Variants in CD84 observed in about 807,000 individuals in gnomAD.
The protein encoded by CD84 is CD84 molecule, also known as SLAM family member 5.
Under a neutral mutation model 33.8 loss-of-function variants are expected in CD84, and 22 were observed. The ratio of observed to expected loss-of-function variants is 0.65; its 90% CI spans 0.46 to 0.93. The LOEUF is 0.93. CD84 is among the 40% of genes least tolerant of loss of function. The pLI is 0.00. For missense variants in CD84, 400 were observed against 397.6 expected (o/e 1.01, Z -0.05); for synonymous variants, 154 against 145.2 (o/e 1.06, Z -0.44).
chr1:160,555,156 C>T lies in CD84; in HGVS notation c.389-1010G>A, dbSNP rs547526064. On this transcript the variant is annotated intron_variant, in intron 2 of 6. Transcript: ENST00000368054. The stretch of plus-strand genomic sequence containing the variant: ...AGTGCAGTGGCATGATCTCGGCTCA[C>T]TGCAAGCTCCGCCTCCTGGGTTCAA... 1.7e-3 allele frequency among the ~76,000 whole-genome samples: 260 copies of T among 151,218 alleles called. 1 individual carries two copies. The highest frequency in any genetic ancestry group is 6.2e-3 in the African/African-American group (254 of 41,138).
intron 2 of CD84, 105 bp downstream of exon 2, chr1:160,565,299 T>C (rs1464137189): frequency 3.9e-6 from 3 of 773,066 alleles, no homozygotes; most frequent in Non-Finnish European, 6.4e-6. Flanking sequence ...TTTATAGATA[T>C]AAAAAGATTT....
At chr1:160,556,473 A>G in intron 2 of CD84, among the ~76,000 whole-genome samples, 1 of 149,510 alleles carries the variant, frequency 6.7e-6, no homozygotes, top group South Asian at 2.1e-4. Flanking sequence ...CTATTTACTT[A>G]TCTATCATCT....
intron 2 of CD84, among the ~76,000 whole-genome samples, chr1:160,562,908 C>T (rs746099721): frequency 6.6e-6 from 1 of 152,044 alleles, no homozygotes; most frequent in East Asian, 1.9e-4. Flanking sequence ...CCACACACAG[C>T]CCCATTAAAA....
intron 1 of CD84, chr1:160,570,790 G>A (rs61802610): frequency 0.17 from 26,485 of 152,334 alleles, 2,522 homozygotes; most frequent in Non-Finnish European, 0.22. Flanking sequence ...TGAGCCCAAG[G>A]GGGTCAAGGT....
In CD84 at chr1:160,553,923, GT is replaced by G; in HGVS notation, c.611del (p.Asp204AlafsTer24). 1 of 1,614,222 alleles carries G rather than the reference GT, an allele frequency of 6.2e-7. No homozygotes were observed. The highest frequency in any genetic ancestry group is 8.5e-7 in the Non-Finnish European group (1 of 1,180,042). ...TAQNPVSNNS[D>X]SISARQLCAD... ...CACAGAGCTGCCGGGCAGAGATGGAGTCAGAATTGTTGCTGACAGGGTTCTG... is the reference window on the plus strand; with the variant it reads ...CACAGAGCTGCCGGGCAGAGATGGAGCAGAATTGTTGCTGACAGGGTTCTG... On this transcript the variant is annotated frameshift_variant, in exon 3 of 7. Transcript: ENST00000368054. LOFTEE classifies it high-confidence loss of function.
At chr1:160,561,958 A>G (rs1657000142) in intron 2 of CD84, among the ~76,000 whole-genome samples, 2 of 151,958 alleles carry the variant, frequency 1.3e-5, no homozygotes, top group Non-Finnish European at 2.9e-5. Context: ...GCTAACAAGG[A>G]AAGTGAAGGA....
intron 2 of CD84, among the ~76,000 whole-genome samples, chr1:160,563,226 TC>T (rs1657104652): frequency 6.6e-6 from 1 of 152,146 alleles, no homozygotes; most frequent in African/African-American, 2.4e-5. Flanking sequence ...TACCATTTGT[TC>T]CAGCAAACCC....
At chr1:160,565,199 T>C (rs1466361743) in intron 2 of CD84, among the ~76,000 whole-genome samples, 1 of 123,210 alleles carries the variant, frequency 8.1e-6, no homozygotes, top group Non-Finnish European at 1.7e-5. Flanking sequence ...CAACTACTGA[T>C]GGAAGAATTA....
intron 5 of CD84, 145 bp downstream of exon 5, chr1:160,550,793 C>T (rs1372513396): frequency 1.3e-6 from 2 of 1,512,058 alleles, no homozygotes; most frequent in African/African-American, 1.4e-5. Flanking sequence ...GCATCACTTC[C>T]CTGACATGGT....
chr1:160,571,210 T>A (rs979689951), intron 1 of CD84: 1 of 151,956 alleles, frequency 6.6e-6, no homozygotes, highest in African/African-American at 2.4e-5. Flanking sequence ...AGAAATGGCG[T>A]GGGTGAAGGA....
At chr1:160,552,957 A>T (rs1309925172) in intron 4 of CD84, 1 of 590,106 alleles carries the variant, frequency 1.7e-6, no homozygotes. Flanking sequence ...AGTGACAACC[A>T]TGGAGTACAG....
intron 6 of CD84, among the ~76,000 whole-genome samples, chr1:160,549,310 C>A (rs914699011): frequency 1.3e-5 from 2 of 152,168 alleles, no homozygotes; most frequent in African/African-American, 4.8e-5. Flanking sequence ...AACCCTAAAG[C>A]TGTCCTGATT....
intron 1 of CD84, among the ~76,000 whole-genome samples, chr1:160,572,092 G>C (rs189283369): frequency 1.3e-5 from 2 of 152,330 alleles, no homozygotes; most frequent in Non-Finnish European, 2.9e-5. Flanking sequence ...AGTAGAGTGA[G>C]CATAGATTTG....
At chr1:160,564,083 C>T (rs779136410) in intron 2 of CD84, among the ~76,000 whole-genome samples, 9 of 152,186 alleles carry the variant, frequency 5.9e-5, no homozygotes, top group Non-Finnish European at 8.8e-5. Flanking sequence ...TGCCAGTCTA[C>T]AGACCACACT....
chr1:160,550,661 T>TCC (rs1261836331), intron 5 of CD84: 41 of 985,194 alleles, frequency 4.2e-5, no homozygotes, highest in Non-Finnish European at 4.8e-5. Flanking sequence ...GGCGCCTTGC[T>TCC]CCTAGTCATG....
At chr1:160,568,985 A>T (rs1385718210) in intron 1 of CD84, among the ~76,000 whole-genome samples, 1 of 152,250 alleles carries the variant, frequency 6.6e-6, no homozygotes, top group East Asian at 1.9e-4. Flanking sequence ...TGAGCAGCAA[A>T]TGATGTAATA....
At chr1:160,578,404 T>TA (rs920674806) in intron 1 of CD84, among the ~76,000 whole-genome samples, 1 of 152,136 alleles carries the variant, frequency 6.6e-6, no homozygotes, top group Non-Finnish European at 1.5e-5. Context: ...GACTAGTGGT[T>TA]ACAATCTCCA....
At chr1:160,556,886 T>C (rs1304160004) in intron 2 of CD84, among the ~76,000 whole-genome samples, 6 of 152,220 alleles carry the variant, frequency 3.9e-5, no homozygotes, top group East Asian at 1.9e-4. Context: ...TTGAATACCA[T>C]CTTTATTTTC....
At chr1:160,552,965 C>T in intron 4 of CD84, 1 of 585,422 alleles carries the variant, frequency 1.7e-6, no homozygotes, top group Admixed American at 2.9e-5. Flanking sequence ...CCATGGAGTA[C>T]AGGATTAGTA....
Sources: gnomAD v4.1 joint callset for allele counts (sites outside exome capture counted in the v4.1 genomes callset) on GRCh38, gnomAD v4.1.1 for gene constraint, MANE v1.5 for transcripts, NCBI Gene and HGNC (gene_info 2026-07-23, HGNC 2026-07-21) for gene names.